MICAL2: variants seen among roughly 807,000 people sequenced by gnomAD.
MICAL2 encodes [F-actin]-monooxygenase MICAL2.
A neutral mutation model predicts 127.3 loss-of-function variants in MICAL2; 77 were observed. The observed-to-expected ratio is 0.60, with a 90% CI of 0.50 to 0.73. MICAL2 has a LOEUF of 0.73. Ranked by LOEUF, MICAL2 falls within the 30% of genes least tolerant of loss-of-function variation. MICAL2 has a pLI of 0.00. For missense variants in MICAL2, 1,351 were observed against 1,434.4 expected (o/e 0.94, Z 0.94); for synonymous variants, 570 against 551.1 (o/e 1.03, Z -0.48).
Position 12,129,636 on chromosome 11 carries a change from C to CTTTTTTTT in MICAL2, c.-148-8742_-148-8735dup, listed in dbSNP as rs559528778. 9.7e-4 allele frequency among the ~76,000 whole-genome samples: 94 copies of CTTTTTTTT among 97,404 alleles called. 2 individuals are homozygous for CTTTTTTTT. Among genetic ancestry groups the CTTTTTTTT allele is most frequent in the Middle Eastern group, 8.1e-3 (1 of 124 alleles). 63.9% of individuals were successfully genotyped at this position (97,404 alleles called of 152,430 possible). A position where few individuals can be genotyped will look rare whatever the true frequency, so the allele number is the denominator to read the frequency against. On this transcript the variant is annotated intron_variant, in intron 1 of 27. Coordinates refer to ENST00000683283, the MANE Select transcript of MICAL2 (RefSeq NM_001282663.2). The stretch of plus-strand genomic sequence containing the variant: ...TTCTACTCTGTTTCTTCTTCTTCTT[C>CTTTTTTTT]TTTTTTTTTTTTTTTTTTTGGTGGT...
chr11:12,213,904 A>G (rs1290948306), intron 7 of MICAL2, among the ~76,000 whole-genome samples: 1 of 152,196 alleles, frequency 6.6e-6, no homozygotes, highest in Non-Finnish European at 1.5e-5. Flanking sequence ...GGACATCTGG[A>G]TACGCCCAGG....
intron 32 of MICAL2, among the ~76,000 whole-genome samples, chr11:12,334,052 T>C (rs927028547): frequency 6.6e-6 from 1 of 152,150 alleles, no homozygotes; most frequent in Non-Finnish European, 1.5e-5. Context: ...AATGTGAAAA[T>C]TGAAACTTGA....
At chr11:12,274,522 G>A (rs1863704728), upstream of MICAL2, 1 of 152,284 alleles carries the variant, frequency 6.6e-6, no homozygotes, top group Non-Finnish European at 1.5e-5. Flanking sequence ...ATATTAAATA[G>A]GATGGTCAGG....
At chr11:12,356,129 T>G (rs1381269693) in intron 34 of MICAL2, among the ~76,000 whole-genome samples, 1 of 152,162 alleles carries the variant, frequency 6.6e-6, no homozygotes, top group Non-Finnish European at 1.5e-5. Context: ...TTTGCCACCT[T>G]TGATTCTTTT....
At chr11:12,341,772 G>A (rs1938871600) in intron 32 of MICAL2, among the ~76,000 whole-genome samples, 2 of 151,906 alleles carry the variant, frequency 1.3e-5, no homozygotes. Flanking sequence ...GTTTGTGGTG[G>A]GCCAAAATTG....
At chr11:12,153,253 G>C (rs1853799479) in intron 2 of MICAL2, 2 of 151,966 alleles carry the variant, frequency 1.3e-5, no homozygotes, top group African/African-American at 4.8e-5. Context: ...TGCCCAGGCT[G>C]GTCTTGAACT....
At chr11:12,222,548 G>GC (rs1856945789) in intron 10 of MICAL2, 69 bp from the exon 11 acceptor site, 41 of 1,600,624 alleles carry the variant, frequency 2.6e-5, no homozygotes, top group Non-Finnish European at 3.5e-5. Flanking sequence ...GGGGGAAGTA[G>GC]GGAAGGGTGG....
chr11:12,274,786 G>A (rs1863706922), upstream of MICAL2: 1 of 152,276 alleles, frequency 6.6e-6, no homozygotes, highest in South Asian at 2.1e-4. Flanking sequence ...GCAGGCCTCG[G>A]TAGGGCCTTC....
chr11:12,251,011 CAA>C (rs1404330199), intron 22 of MICAL2, among the ~76,000 whole-genome samples: 1 of 152,106 alleles, frequency 6.6e-6, no homozygotes, highest in Non-Finnish European at 1.5e-5. Context: ...CAGTGCTACT[CAA>C]AGTGTGGGCC....
intron 3 of MICAL2, among the ~76,000 whole-genome samples, chr11:12,185,368 G>T (rs1237522322): frequency 6.6e-6 from 1 of 152,076 alleles, no homozygotes; most frequent in Non-Finnish European, 1.5e-5. Flanking sequence ...AGAGGGAATT[G>T]TGAAGACGTA....
rs116891991 is a variant in MICAL2, at chr11:12,345,540, A to C, written c.5516-4298A>C. Among the ~76,000 whole-genome samples, 125 of 152,354 alleles carry C rather than the reference A, an allele frequency of 8.2e-4. 1 individual carries two copies. In the East Asian group the frequency reaches 0.023, roughly 28 times the overall value. ...TTATCAGTTCTGCAGAAATCTCAGG[A>C]GAAATGTGTCAGCTGGATAAAATAT... is the stretch of plus-strand genomic sequence containing the variant. On this transcript the variant is annotated intron_variant, in intron 32 of 34. Coordinates refer to the MICAL2 transcript ENST00000646065.
intron 10 of MICAL2, among the ~76,000 whole-genome samples, chr11:12,222,301 G>T (rs536930557): frequency 2.0e-5 from 3 of 152,250 alleles, no homozygotes; most frequent in Admixed American, 6.5e-5. Flanking sequence ...GGAGCAGGCC[G>T]CAGGAGGCAG....
downstream of MICAL2, among the ~76,000 whole-genome samples, chr11:12,295,692 T>C (rs11022278): frequency 6.6e-6 from 1 of 151,800 alleles, no homozygotes; most frequent in African/African-American, 2.4e-5. Flanking sequence ...CCACTATGCC[T>C]AGCCAAAAAT....
chr11:12,273,825 C>T (rs569006721), upstream of MICAL2, among the ~76,000 whole-genome samples: 7 of 152,098 alleles, frequency 4.6e-5, no homozygotes, highest in South Asian at 4.2e-4. Flanking sequence ...GCTCAAGGAC[C>T]GCAGGAGGAC....
chr11:12,276,975 A>G (rs1229771939), intron 1 of MICAL2, among the ~76,000 whole-genome samples: 2 of 152,182 alleles, frequency 1.3e-5, no homozygotes, highest in Non-Finnish European at 2.9e-5. Flanking sequence ...GCAATTATTG[A>G]TGCCCACAAT....
intron 12 of MICAL2, 68 bp from the exon 13 acceptor site, chr11:12,224,605 A>AGG: frequency 6.4e-7 from 1 of 1,562,936 alleles, no homozygotes; most frequent in South Asian, 1.2e-5. Context: ...GGCAATGAGA[A>AGG]GGGAGCGCCA....
intron 2 of MICAL2, among the ~76,000 whole-genome samples, chr11:12,160,994 C>T (rs1003280311): frequency 3.3e-5 from 5 of 152,224 alleles, no homozygotes; most frequent in African/African-American, 7.2e-5. Context: ...TGCCGTGAGG[C>T]CTGCGCTCTG....
At chr11:12,261,564 G>T (rs1366816349) in intron 26 of MICAL2, 23 of 985,450 alleles carry the variant, frequency 2.3e-5, no homozygotes, top group Non-Finnish European at 2.8e-5. Flanking sequence ...GGAGTTGCTG[G>T]GCCCAAGATA....
chr11:12,269,687 C>T (rs988697155), intron 24 of MICAL2, among the ~76,000 whole-genome samples: 2 of 152,196 alleles, frequency 1.3e-5, no homozygotes, highest in South Asian at 2.1e-4. Context: ...GGCTGAGGCT[C>T]GGCACTGCCT....
Sources: allele counts gnomAD v4.1 joint callset (sites outside exome capture counted in the v4.1 genomes callset), GRCh38; gene constraint gnomAD v4.1.1; transcripts MANE v1.5; gene names NCBI Gene and HGNC (gene_info 2026-07-23, HGNC 2026-07-21).